The following FRAS1 variants were observed in gnomAD, a reference collection of about 807,000 sequenced individuals.
FRAS1 encodes extracellular matrix organizing protein FRAS1.
Under a neutral mutation model 435.2 loss-of-function variants are expected in FRAS1, and 290 were observed. The observed-to-expected ratio is 0.67, with a 90% CI of 0.61 to 0.73. FRAS1 has a LOEUF of 0.73. Among genes scored for constraint, FRAS1 ranks in the 30% least tolerant of loss-of-function variants. FRAS1 has a pLI of 0.00. For missense variants in FRAS1, 4,860 were observed against 5,001.5 expected (o/e 0.97, Z 0.85); for synonymous variants, 1,800 against 1,851.0 (o/e 0.97, Z 0.71).
chr4:78,182,741 A>G (rs1046735722), intron 2 of FRAS1, among the ~76,000 whole-genome samples: 2 of 151,956 alleles, frequency 1.3e-5, no homozygotes, highest in Admixed American at 6.5e-5. Flanking sequence ...TTAGCTGGAC[A>G]TGGTGGCACG....
At chr4:78,161,420 T>C (rs1328294811) in intron 2 of FRAS1, among the ~76,000 whole-genome samples, 1 of 152,108 alleles carries the variant, frequency 6.6e-6, no homozygotes, top group Non-Finnish European at 1.5e-5. Flanking sequence ...AGAGCTTCTC[T>C]ATGCCTTGAT....
At chr4:78,258,045 A>G (rs1173147917) in intron 6 of FRAS1, among the ~76,000 whole-genome samples, 1 of 152,132 alleles carries the variant, frequency 6.6e-6, no homozygotes, top group Non-Finnish European at 1.5e-5. Flanking sequence ...ATGTTTTTTC[A>G]AGAAAGATAG....
intron 59 of FRAS1, among the ~76,000 whole-genome samples, chr4:78,495,426 T>C (rs1221488146): frequency 6.6e-6 from 1 of 152,170 alleles, no homozygotes; most frequent in Non-Finnish European, 1.5e-5. Flanking sequence ...TCTGTTCATC[T>C]TTACTACAAA....
chr4:78,165,691 A>C (rs746809699), intron 2 of FRAS1, among the ~76,000 whole-genome samples: 1 of 152,204 alleles, frequency 6.6e-6, no homozygotes, highest in African/African-American at 2.4e-5. Flanking sequence ...GCCATTCTGC[A>C]GTCCCCTAGC....
intron 2 of FRAS1, among the ~76,000 whole-genome samples, chr4:78,149,726 T>A (rs1441853520): frequency 1.3e-5 from 2 of 152,178 alleles, no homozygotes; most frequent in African/African-American, 4.8e-5. Context: ...TACTTTCCTC[T>A]CTTTCTCAGA....
Position 78,541,012 on chromosome 4 carries a change from T to C in FRAS1, c.11927T>C (p.Val3976Ala), listed in dbSNP as rs1722034002. The change falls in exon 74 of 74, where the codon GTC (valine) becomes GCC (alanine). Residue 3976 changes from valine (V) to alanine (A), a missense_variant. Coordinates refer to ENST00000512123, the MANE Select transcript of FRAS1 (RefSeq NM_025074.7). ...VNRHYCTVRN[V>A]NILSEPEAAY... ...AGACACTACTGCACTGTGCGGAACG[T>C]CAACATCCTGAGTGAGCCTGAGGCG... The C allele has an allele frequency of 6.4e-7, 1 of 1,551,356 alleles. No individual in the cohort carries two copies. The highest frequency in any genetic ancestry group is 8.7e-7 in the Non-Finnish European group (1 of 1,144,444).
chr4:78,232,203 G>C (rs564164486), intron 2 of FRAS1, among the ~76,000 whole-genome samples: 1 of 152,158 alleles, frequency 6.6e-6, no homozygotes, highest in South Asian at 2.1e-4. Flanking sequence ...ATGGCCATCT[G>C]TCCAGGCCTT....
intron 20 of FRAS1, among the ~76,000 whole-genome samples, chr4:78,358,551 A>T (rs939637458): frequency 1.1e-5 from 1 of 90,868 alleles, no homozygotes; most frequent in Non-Finnish European, 2.7e-5. Context: ...AATGGGGATA[A>T]TAACAGTGCC....
rs549753845 is a variant in FRAS1, at chr4:78,472,265, G to T, written c.7457G>T (p.Gly2486Val). 3 of 1,613,548 alleles carry T rather than the reference G, an allele frequency of 1.9e-6. No homozygotes were observed. In the African/African-American group the frequency reaches 4.0e-5, roughly 22 times the overall value. The change falls in exon 52 of 74, where the codon GGC becomes GTC. Residue 2486 changes from glycine to valine, a missense_variant. Coordinates refer to ENST00000512123, the MANE Select transcript of FRAS1 (RefSeq NM_025074.7). ...DAQLVYEITT[G>V]PKHGFVENKL... ...CAGCTTGTCTATGAGATAACGACGG[G>T]CCCTAAGCATGGCTTTGTGGAGAAC...
Position 78,278,774 on chromosome 4 carries a change from T to A in FRAS1, c.1071+30T>A, listed in dbSNP as rs947350237. 7.1e-6 allele frequency: 9 copies of A among 1,275,964 alleles called. No individual in the cohort carries two copies. The African/African-American group carries it at 1.3e-4, about 19-fold the overall frequency. 79.0% of individuals were successfully genotyped at this position (1,275,964 alleles called of 1,614,324 possible). A position where few individuals can be genotyped will look rare whatever the true frequency, so the allele number is the denominator to read the frequency against. On this transcript the variant is annotated intron_variant, in intron 10 of 73. Coordinates refer to ENST00000512123, the MANE Select transcript of FRAS1 (RefSeq NM_025074.7). Reference sequence around the variant, plus strand: ...GTATCAGGCTTATAACCGAAGATGATTTCAAATTAATTCAAAATTAATCTA... The same window carrying A: ...GTATCAGGCTTATAACCGAAGATGAATTCAAATTAATTCAAAATTAATCTA...
intron 27 of FRAS1, 151 bp from the exon 28 acceptor site, chr4:78,383,908 T>C (rs1406243254): frequency 2.9e-5 from 16 of 551,458 alleles, no homozygotes; most frequent in Non-Finnish European, 3.2e-6. Flanking sequence ...TATCTGGTAG[T>C]TTTTTCTTTA....
intron 22 of FRAS1, among the ~76,000 whole-genome samples, chr4:78,366,363 G>T (rs909071121): frequency 6.6e-6 from 1 of 152,202 alleles, no homozygotes; most frequent in East Asian, 1.9e-4. Flanking sequence ...AGACTTCCAC[G>T]GAAGAAAGCC....
intron 2 of FRAS1, among the ~76,000 whole-genome samples, chr4:78,208,128 A>G (rs1395755941): frequency 5.3e-5 from 8 of 152,190 alleles, no homozygotes; most frequent in Non-Finnish European, 7.3e-5. Context: ...GATTCTGTGC[A>G]GACAACCCCC....
intron 18 of FRAS1, among the ~76,000 whole-genome samples, chr4:78,329,322 C>T (rs780209576): frequency 2.6e-5 from 4 of 152,168 alleles, no homozygotes; most frequent in African/African-American, 4.8e-5. Context: ...GGTAACTTTA[C>T]CTAGACCTTG....
rs1463429577 is a variant in FRAS1, at chr4:78,481,839, G to A, written c.8479G>A (p.Asp2827Asn). 6.2e-7 allele frequency: 1 copy of A among 1,613,744 alleles called. No homozygotes were observed. Among genetic ancestry groups the A allele is most frequent in the Non-Finnish European group, 8.5e-7 (1 of 1,179,828 alleles). ...VKIPVIRHGT[D>N]LSTFASVWCA... is the part of the protein sequence containing the mutation. ...GATTCCAGTTATCCGCCATGGTACT[G>A]ACCTCTCTACTTTCGCATCTGTCTG... The change falls in exon 57 of 74, where the codon GAC becomes AAC. Residue 2827 changes from aspartate to asparagine, a missense_variant. By Grantham distance (23) the Asp-to-Asn change is conservative. Transcript: ENST00000512123.
intron 2 of FRAS1, among the ~76,000 whole-genome samples, chr4:78,068,139 C>T (rs1740147610): frequency 1.3e-5 from 2 of 152,136 alleles, no homozygotes; most frequent in African/African-American, 2.4e-5. Flanking sequence ...TGGAATGCAT[C>T]TGTGAACAAA....
chr4:78,203,697 G>T (rs1723139205), intron 2 of FRAS1, among the ~76,000 whole-genome samples: 1 of 152,134 alleles, frequency 6.6e-6, no homozygotes, highest in Admixed American at 6.5e-5. Flanking sequence ...CTCCTGAGTA[G>T]CTGGGATTAC....
chr4:78,264,226 A>G (rs542225374), intron 6 of FRAS1, among the ~76,000 whole-genome samples: 1 of 152,358 alleles, frequency 6.6e-6, no homozygotes, highest in Admixed American at 6.5e-5. Context: ...AATTAAAGAA[A>G]GAAAATTCTT....
chr4:78,478,251 C>T (rs1362008687), intron 55 of FRAS1, among the ~76,000 whole-genome samples, 190 bp downstream of exon 55: 1 of 152,192 alleles, frequency 6.6e-6, no homozygotes, highest in East Asian at 1.9e-4. Flanking sequence ...CAGAAAGCCT[C>T]TTTTCTTAGT....
Sources: allele counts gnomAD v4.1 joint callset (sites outside exome capture counted in the v4.1 genomes callset), GRCh38; gene constraint gnomAD v4.1.1; transcripts MANE v1.5; gene names NCBI Gene and HGNC (gene_info 2026-07-23, HGNC 2026-07-21).